PTPRD: variants seen among roughly 807,000 people sequenced by gnomAD.
PTPRD encodes the protein protein tyrosine phosphatase receptor type D.
PTPRD carries 34 observed loss-of-function variants against 214.5 expected under a neutral mutation model. That is an observed-to-expected ratio of 0.16 (90% CI 0.12 to 0.21). The LOEUF (loss-of-function observed/expected upper bound fraction) is 0.21. Ranked by LOEUF, PTPRD falls within the 10% of genes least tolerant of loss-of-function variation. The pLI is 1.00. For synonymous variants in PTPRD, 1,128 were observed against 845.7 expected (o/e 1.33, Z -5.79); for missense variants, 2,545 against 2,398.7 (o/e 1.06, Z -1.27).
rs529860380 is a variant in PTPRD, at chr9:10,023,998, CTTA to C, written c.-472+9717_-472+9719del. 2.6e-3 allele frequency among the ~76,000 whole-genome samples: 399 copies of C among 151,852 alleles called. 3 individuals are homozygous for C. Among genetic ancestry groups the C allele is most frequent in the African/African-American group, 9.3e-3 (386 of 41,366 alleles). ...AATTATTTTGGTTTAAATTAAATAG[CTTA>C]TTATTTCCAATCATGAGTACTTTCT... On this transcript the variant is annotated intron_variant, in intron 4 of 45. Transcript: ENST00000381196.
chr9:8,329,922 C>T (rs1838111783), intron 44 of PTPRD, among the ~76,000 whole-genome samples: 1 of 151,880 alleles, frequency 6.6e-6, no homozygotes. Context: ...GTGAGATTTT[C>T]AAGCCAGTGG....
intron 4 of PTPRD, among the ~76,000 whole-genome samples, chr9:9,970,636 G>A (rs1389255932): frequency 6.6e-6 from 1 of 151,952 alleles, no homozygotes; most frequent in African/African-American, 2.4e-5. Flanking sequence ...TCTGTCAAAC[G>A]GTCTTTTGTT....
chr9:10,126,854 T>C (rs983787004), intron 3 of PTPRD, among the ~76,000 whole-genome samples: 1 of 152,048 alleles, frequency 6.6e-6, no homozygotes, highest in African/African-American at 2.4e-5. Flanking sequence ...TCATAATGCT[T>C]TTCTCCTGGC....
At chr9:10,063,134 C>G (rs967676172) in intron 3 of PTPRD, among the ~76,000 whole-genome samples, 1 of 152,018 alleles carries the variant, frequency 6.6e-6, no homozygotes, top group East Asian at 1.9e-4. Flanking sequence ...CCAAATACAG[C>G]AAGTACACTA....
At chr9:10,309,522 C>T (rs201073143) in intron 3 of PTPRD, among the ~76,000 whole-genome samples, 1,952 of 82,956 alleles carry the variant, frequency 0.024, 36 homozygotes, top group African/African-American at 0.1. Context: ...CCAGCTATTT[C>T]TTTTTTTTTT....
intron 10 of PTPRD, among the ~76,000 whole-genome samples, chr9:9,136,662 C>T (rs942659082): frequency 7.2e-5 from 11 of 151,922 alleles, no homozygotes; most frequent in Non-Finnish European, 1.3e-4. Flanking sequence ...GCAGTGTTTC[C>T]ATGTAGTAGT....
In PTPRD at chr9:8,683,564, G is replaced by A. The variant is rs548014285; in HGVS notation, c.65-46720C>T. On this transcript the variant is annotated intron_variant, in intron 12 of 45. Transcript: ENST00000381196. ...ATATGTCATCAAGGAAAAGGAGGAA[G>A]AAATAAAATTTAAAAGTCCTTCTTG... 6.9e-4 allele frequency among the ~76,000 whole-genome samples: 105 copies of A among 152,258 alleles called. 1 individual carries two copies. Among genetic ancestry groups the A allele is most frequent in the Non-Finnish European group, 6.9e-4 (47 of 68,016 alleles).
chr9:9,542,958 T>C (rs1224158029), intron 8 of PTPRD, among the ~76,000 whole-genome samples: 1 of 151,684 alleles, frequency 6.6e-6, no homozygotes, highest in African/African-American at 2.4e-5. Context: ...TTTCTAGCAA[T>C]TCCAGTAATT....
intron 8 of PTPRD, among the ~76,000 whole-genome samples, chr9:9,414,430 A>C (rs2076395720): frequency 6.6e-6 from 1 of 152,220 alleles, no homozygotes; most frequent in Non-Finnish European, 1.5e-5. Flanking sequence ...TATCCTTAAA[A>C]TTATTGGCTA....
At chr9:9,743,179 TA>T (rs2098421795) in intron 6 of PTPRD, among the ~76,000 whole-genome samples, 2 of 152,188 alleles carry the variant, frequency 1.3e-5, no homozygotes, top group Admixed American at 6.5e-5. Context: ...GTATGAATGA[TA>T]AAAATGCATT....
chr9:9,059,356 G>A (rs1484708374), intron 10 of PTPRD, among the ~76,000 whole-genome samples: 1 of 152,130 alleles, frequency 6.6e-6, no homozygotes, highest in African/African-American at 2.4e-5. Context: ...AATTCTCAGG[G>A]CTCATGAGGC....
chr9:8,846,337 A>G (rs2097695377), intron 11 of PTPRD, among the ~76,000 whole-genome samples: 1 of 152,192 alleles, frequency 6.6e-6, no homozygotes, highest in Admixed American at 6.5e-5. Flanking sequence ...TAACATCCCA[A>G]TATTACTATT....
At chr9:8,372,317 G>C (rs1487580659) in intron 39 of PTPRD, among the ~76,000 whole-genome samples, 1 of 151,804 alleles carries the variant, frequency 6.6e-6, no homozygotes, top group Non-Finnish European at 1.5e-5. Context: ...CTTTTAAAAG[G>C]TACTCAGTAA....
chr9:9,825,685 C>T (rs537586956), intron 5 of PTPRD, among the ~76,000 whole-genome samples: 1 of 152,010 alleles, frequency 6.6e-6, no homozygotes, highest in South Asian at 2.1e-4. Context: ...ACAATGATAA[C>T]AGGTTTTCTG....
At chr9:9,182,905 T>C (rs2099929075) in intron 10 of PTPRD, among the ~76,000 whole-genome samples, 1 of 152,012 alleles carries the variant, frequency 6.6e-6, no homozygotes, top group Non-Finnish European at 1.5e-5. Context: ...AAATAAAGTA[T>C]GTAGGCGAGA....
At chr9:9,061,646 G>A (rs955725406) in intron 10 of PTPRD, among the ~76,000 whole-genome samples, 1 of 152,064 alleles carries the variant, frequency 6.6e-6, no homozygotes, top group African/African-American at 2.4e-5. Context: ...CATGTAGCCA[G>A]ACTCCATTAA....
chr9:10,312,312 A>C (rs2096287706), intron 3 of PTPRD, among the ~76,000 whole-genome samples: 1 of 152,006 alleles, frequency 6.6e-6, no homozygotes, highest in South Asian at 2.1e-4. Context: ...TTTTGTAAAG[A>C]ACATTGATTT....
chr9:8,473,788 C>T (rs548864848), intron 30 of PTPRD, among the ~76,000 whole-genome samples: 10 of 152,278 alleles, frequency 6.6e-5, no homozygotes, highest in African/African-American at 9.6e-5. Context: ...AATTAATTAA[C>T]GGTGCGGCAA....
chr9:8,523,572 G>T (rs865836941), intron 18 of PTPRD, 48 bp from the exon 19 acceptor site: 4 of 1,606,882 alleles, frequency 2.5e-6, no homozygotes, highest in Non-Finnish European at 3.4e-6. Flanking sequence ...AATGAGGAAA[G>T]GAGAAAAACA....
Sources: gnomAD v4.1 joint callset for allele counts (sites outside exome capture counted in the v4.1 genomes callset) on GRCh38, gnomAD v4.1.1 for gene constraint, MANE v1.5 for transcripts, NCBI Gene and HGNC (gene_info 2026-07-23, HGNC 2026-07-21) for gene names.